The following CASP9 variants were observed in gnomAD, a reference collection of about 807,000 sequenced individuals.
CASP9 encodes the protein caspase 9, also known as caspase-9.
CASP9 carries 29 observed loss-of-function variants against 43.5 expected under a neutral mutation model. That is an observed-to-expected ratio of 0.67 (90% CI 0.50 to 0.91). The LOEUF (loss-of-function observed/expected upper bound fraction) is 0.91, where lower values mean the gene tolerates loss of function less well. Ranked by LOEUF, CASP9 falls within the 40% of genes least tolerant of loss-of-function variation. The probability of loss-of-function intolerance (pLI) is 0.00; values close to 1 mark genes in which losing one functional copy is unlikely to be tolerated. For missense variants in CASP9, 575 were observed against 537.4 expected (o/e 1.07, Z -0.69); for synonymous variants, 206 against 211.9 (o/e 0.97, Z 0.24).
At position 15,504,676 on chromosome 1, in the gene CASP9, T is replaced by G. The variant is rs750511162; in HGVS notation, c.803A>C (p.Asn268Thr). Reference sequence around the variant, plus strand: ...TCCCAGGCTGGGGCAGCTGGTCCCATTGAAGATGTTCACAATCTTCTCGAC... The same window carrying G: ...TCCCAGGCTGGGGCAGCTGGTCCCAGTGAAGATGTTCACAATCTTCTCGAC... The part of the protein sequence containing the change: ...VSVEKIVNIF[N>T]GTSCPSLGGK... The change falls in exon 6 of 9, where the codon AAT becomes ACT. Residue 268 changes from asparagine to threonine, a missense_variant. By Grantham distance (65) the Asn-to-Thr change is moderately conservative. Transcript: ENST00000333868. 3 of 1,614,200 alleles carry G rather than the reference T, an allele frequency of 1.9e-6. No homozygotes were observed. In the Admixed American group the frequency reaches 5.0e-5, roughly 27 times the overall value.
upstream of CASP9, chr1:15,524,272 A>G: frequency 7.7e-7 from 1 of 1,294,380 alleles, no homozygotes; most frequent in Non-Finnish European, 1.0e-6. Flanking sequence ...CCCAGTCCCC[A>G]GGACCCGCCC....
At chr1:15,512,813 T>C (rs556546760) in intron 2 of CASP9, among the ~76,000 whole-genome samples, 35 of 152,106 alleles carry the variant, frequency 2.3e-4, no homozygotes, top group African/African-American at 8.2e-4. Context: ...AGTGTTGGAG[T>C]TGGGCTTTGA....
At chr1:15,521,456 C>T (rs1356456678) in intron 1 of CASP9, among the ~76,000 whole-genome samples, 1 of 152,116 alleles carries the variant, frequency 6.6e-6, no homozygotes, top group Non-Finnish European at 1.5e-5. Flanking sequence ...ATGTTCCTCC[C>T]GTACTCCTGG....
chr1:15,524,782 G>C, upstream of CASP9: 1 of 1,006,698 alleles, frequency 9.9e-7, no homozygotes, highest in Non-Finnish European at 1.2e-6. Context: ...CACTCCCCGG[G>C]ACGCATCTAG....
At chr1:15,508,086 AC>A (rs2103353482) in intron 2 of CASP9, among the ~76,000 whole-genome samples, 179 bp from the exon 3 acceptor site, 1 of 152,316 alleles carries the variant, frequency 6.6e-6, no homozygotes, top group Non-Finnish European at 1.5e-5. Flanking sequence ...TTAAACACAC[AC>A]CTACCCTCTG....
At chr1:15,515,777 C>T (rs549227288) in intron 2 of CASP9, among the ~76,000 whole-genome samples, 19 of 152,244 alleles carry the variant, frequency 1.2e-4, no homozygotes, top group Non-Finnish European at 2.1e-4. Flanking sequence ...CAATTTGGGC[C>T]GAGTGCAGTG....
chr1:15,517,075 T>C (rs572953765), intron 2 of CASP9, among the ~76,000 whole-genome samples: 27 of 152,318 alleles, frequency 1.8e-4, no homozygotes, highest in African/African-American at 6.0e-4. Context: ...ATTATGATTA[T>C]TAACTTTGAT....
At chr1:15,504,931 C>T (rs1030963321) in intron 5 of CASP9, among the ~76,000 whole-genome samples, 173 bp from the exon 6 acceptor site, 2 of 152,230 alleles carry the variant, frequency 1.3e-5, no homozygotes, top group Admixed American at 6.5e-5. Context: ...TCTGGAAAGA[C>T]ACCTTGACAG....
At chr1:15,493,540 T>C (rs1006158386) in intron 8 of CASP9, 2 of 1,394,270 alleles carry the variant, frequency 1.4e-6, no homozygotes, top group Non-Finnish European at 1.9e-6. Context: ...GACTACATGA[T>C]GCCCACAGGA....
intron 1 of CASP9, among the ~76,000 whole-genome samples, chr1:15,521,479 G>A (rs1483484924): frequency 1.3e-5 from 2 of 152,178 alleles, no homozygotes; most frequent in Non-Finnish European, 2.9e-5. Context: ...CCTGTTTGAA[G>A]TTCATAGATA....
At chr1:15,507,817 T>C (rs1570850698) in intron 3 of CASP9, 56 bp downstream of exon 3, 3 of 1,558,374 alleles carry the variant, frequency 1.9e-6, no homozygotes, top group Non-Finnish European at 1.8e-6. Context: ...ACCTGAGGGG[T>C]GGGGAGGGAA....
At chr1:15,519,258 C>T (rs1710084315) in intron 1 of CASP9, among the ~76,000 whole-genome samples, 1 of 152,130 alleles carries the variant, frequency 6.6e-6, no homozygotes, top group Admixed American at 6.5e-5. Flanking sequence ...CAGCTCACTG[C>T]AACCTCCACC....
chr1:15,492,682 A>C lies in CASP9; in HGVS notation c.*261T>G. On this transcript the variant is annotated 3_prime_UTR_variant, in exon 9 of 9. Coordinates refer to ENST00000333868, the MANE Select transcript of CASP9 (RefSeq NM_001229.5). Reference sequence around the variant, plus strand: ...GACAACACAGGGATCATGGGACACAAGTCACTAGCCCTGGACCAGCCACTG... The same window carrying C: ...GACAACACAGGGATCATGGGACACACGTCACTAGCCCTGGACCAGCCACTG... The C allele has an allele frequency of 1.9e-6, 1 of 527,000 alleles. No individual in the cohort carries two copies. The highest frequency in any genetic ancestry group is 3.4e-6 in the Non-Finnish European group (1 of 294,430). The allele number at this position is 527,000 out of a possible 1,614,324, so 32.6% of individuals were successfully genotyped here.
rs1309478908 is a variant in CASP9 at position 15,522,533 on chromosome 1, C to T, written c.132+1536G>A. Among the ~76,000 whole-genome samples, 3 of 152,196 alleles carry T rather than the reference C, an allele frequency of 2.0e-5. No individual in the cohort carries two copies. The East Asian group carries it at 5.8e-4, about 29-fold the overall frequency. On this transcript the variant is annotated intron_variant, in intron 1 of 8. Coordinates refer to ENST00000333868, the MANE Select transcript of CASP9 (RefSeq NM_001229.5). ...GACTCATCTAGGCAACATAGCAAGA[C>T]TCCTATCTGTACAAAAAAAAAATTT...
rs754180617 is a variant in CASP9 at position 15,504,725 on chromosome 1, C to T, written c.754G>A (p.Gly252Ser). Reference sequence around the variant, plus strand: ...ACCGACACAGGGCATCCATCTGTGCCGTAGACAGCCCCTGGGAACTGCAGG... The same window carrying T: ...ACCGACACAGGGCATCCATCTGTGCTGTAGACAGCCCCTGGGAACTGCAGG... ...SHLQFPGAVY[G>S]TDGCPVSVEK... is the part of the protein sequence containing the mutation. Residue 252 changes from glycine to serine, a missense_variant, in exon 6 of 9, where the codon GGC (glycine) becomes AGC (serine). Gly to Ser is a moderately conservative substitution (Grantham distance 56). Transcript: ENST00000333868. 6.8e-6 allele frequency: 11 copies of T among 1,613,996 alleles called. No homozygotes were observed. The highest frequency in any genetic ancestry group is 8.5e-6 in the Non-Finnish European group (10 of 1,180,000).
chr1:15,510,799 C>G (rs1264892761), intron 2 of CASP9, among the ~76,000 whole-genome samples: 1 of 152,096 alleles, frequency 6.6e-6, no homozygotes, highest in Non-Finnish European at 1.5e-5. Flanking sequence ...TGGCCACTCC[C>G]ATGGGGACAA....
chr1:15,494,610 T>C (rs1263903683), intron 7 of CASP9, among the ~76,000 whole-genome samples: 1 of 147,138 alleles, frequency 6.8e-6, no homozygotes, highest in African/African-American at 2.5e-5. Flanking sequence ...ACGCCTGTAA[T>C]CCCAGCACTT....
chr1:15,502,396 G>A (rs1709361669), intron 6 of CASP9, among the ~76,000 whole-genome samples: 1 of 152,096 alleles, frequency 6.6e-6, no homozygotes, highest in African/African-American at 2.4e-5. Context: ...GGAGGTGGGA[G>A]TATCACTTGA....
At chr1:15,495,487 G>T in intron 6 of CASP9, 35 bp from the exon 7 acceptor site, 2 of 1,516,098 alleles carry the variant, frequency 1.3e-6, no homozygotes, top group Non-Finnish European at 1.8e-6. Context: ...TCTTGTCATT[G>T]AAATACACAG....
Sources: allele counts gnomAD v4.1 joint callset (sites outside exome capture counted in the v4.1 genomes callset), GRCh38; gene constraint gnomAD v4.1.1; transcripts MANE v1.5; gene names NCBI Gene and HGNC (gene_info 2026-07-23, HGNC 2026-07-21).